Variants in STK3 observed in about 807,000 individuals in gnomAD.
STK3 encodes the protein serine/threonine-protein kinase 3.
In STK3, 41 loss-of-function variants were observed where a neutral mutation model predicts 58.0. The observed-to-expected ratio is 0.71, with a 90% CI of 0.55 to 0.92. STK3 has a LOEUF of 0.92. STK3 is among the 40% of genes least tolerant of loss of function. The probability of loss-of-function intolerance (pLI) is 0.00; values close to 1 mark genes in which losing one functional copy is unlikely to be tolerated. For synonymous variants in STK3, 170 were observed against 191.0 expected (o/e 0.89, Z 0.91); for missense variants, 479 against 602.7 (o/e 0.79, Z 2.15).
At chr8:98,482,187 A>T (rs1408168568) in intron 10 of STK3, among the ~76,000 whole-genome samples, 8 of 152,220 alleles carry the variant, frequency 5.3e-5, no homozygotes, top group Admixed American at 5.2e-4. Flanking sequence ...CAAGTCTTGA[A>T]GATAAAACAA....
chr8:98,586,679 T>C (rs1413965039), intron 7 of STK3, among the ~76,000 whole-genome samples: 5 of 151,886 alleles, frequency 3.3e-5, no homozygotes, highest in African/African-American at 1.2e-4. Context: ...ATGGTACCAG[T>C]TCCTCCTTGT....
rs1824489206 is a variant in STK3 at position 98,511,225 on chromosome 8, T to C, written c.1317+15517A>G. 1.3e-5 allele frequency among the ~76,000 whole-genome samples: 2 copies of C among 151,970 alleles called. 1 individual carries two copies. The highest frequency in any genetic ancestry group is 4.1e-4 in the South Asian group (2 of 4,828). On this transcript the variant is annotated intron_variant, in intron 10 of 10. Transcript: ENST00000419617. ...ATTGAGACAAATGCTTATTCATATTTTTTGAATTTGAATCACTTCAAATGG... is the reference window on the plus strand; with the variant it reads ...ATTGAGACAAATGCTTATTCATATTCTTTGAATTTGAATCACTTCAAATGG...
At chr8:98,513,262 C>T (rs1250229056) in intron 10 of STK3, among the ~76,000 whole-genome samples, 3 of 152,070 alleles carry the variant, frequency 2.0e-5, no homozygotes, top group African/African-American at 7.2e-5. Context: ...TGAATGAGCC[C>T]CACCACTCCC....
chr8:98,428,981 CTACCT>C lies in STK3; in HGVS notation n.483+5141_483+5145del. On this transcript the variant is annotated intron_variant and non_coding_transcript_variant, in intron 3 of 3. Transcript: ENST00000517832. The surrounding 1 kb of genome is among the most constrained non-coding windows in gnomAD (Gnocchi z 6.7). ...ACAAAGAAGTAGGGCTGCTCTTGCT[CTACCT>C]CTCCGTGGGGATTTCCATCTTCTCC... 1 of 1,614,194 alleles carries C rather than the reference CTACCT, an allele frequency of 6.2e-7. No homozygotes were observed. The highest frequency in any genetic ancestry group is 1.3e-5 in the African/African-American group (1 of 75,056).
intron 8 of STK3, among the ~76,000 whole-genome samples, chr8:98,569,948 C>A (rs952958422): frequency 3.4e-5 from 5 of 148,200 alleles, no homozygotes; most frequent in Admixed American, 6.7e-5. Flanking sequence ...TATATTTATA[C>A]ACATTTTCAA....
At chr8:98,673,119 C>A (rs1822948889) in intron 6 of STK3, among the ~76,000 whole-genome samples, 1 of 152,150 alleles carries the variant, frequency 6.6e-6, no homozygotes, top group Non-Finnish European at 1.5e-5. Context: ...ATAGCCCAGG[C>A]ACTCAGCTAT....
chr8:98,406,337 C>T (rs535186333), intron 3 of STK3, among the ~76,000 whole-genome samples: 25 of 151,738 alleles, frequency 1.6e-4, no homozygotes, highest in East Asian at 3.9e-4. Flanking sequence ...GTACACGTGC[C>T]GGTGTGTTAC....
At chr8:98,747,507 C>T (rs941827627) in intron 4 of STK3, among the ~76,000 whole-genome samples, 6 of 152,156 alleles carry the variant, frequency 3.9e-5, no homozygotes, top group Non-Finnish European at 5.9e-5. Context: ...TTCTGAAATT[C>T]AGACAATCAA....
intron 10 of STK3, among the ~76,000 whole-genome samples, chr8:98,456,791 C>T (rs931295451): frequency 1.3e-5 from 2 of 152,162 alleles, no homozygotes; most frequent in Admixed American, 6.5e-5. Context: ...AAGATAATTG[C>T]CTTTGGTTAT....
the STK3 span, among the ~76,000 whole-genome samples, chr8:98,352,929 C>T: frequency 6.6e-6 from 1 of 152,238 alleles, no homozygotes; most frequent in South Asian, 2.1e-4. Flanking sequence ...TATTTTTTCA[C>T]TGTGTCAATG....
At chr8:98,657,196 T>C (rs190362035) in intron 6 of STK3, among the ~76,000 whole-genome samples, 94 of 152,068 alleles carry the variant, frequency 6.2e-4, no homozygotes, top group African/African-American at 2.1e-3. Flanking sequence ...ATAATGGCCA[T>C]TCACCCATAT....
intron 6 of STK3, chr8:98,598,017 A>C: frequency 1.0e-6 from 1 of 985,416 alleles, no homozygotes; most frequent in Non-Finnish European, 1.2e-6. Flanking sequence ...TGCTACTTCC[A>C]ACTAGAGAAT....
At chr8:98,416,257 C>G (rs1206652676) in intron 3 of STK3, among the ~76,000 whole-genome samples, 4 of 152,014 alleles carry the variant, frequency 2.6e-5, no homozygotes, top group Non-Finnish European at 2.9e-5. Flanking sequence ...TCAAGATGCA[C>G]TAGAAGACTC....
intron 1 of STK3, chr8:98,905,438 G>GGTT: frequency 5.4e-6 from 7 of 1,302,094 alleles, no homozygotes; most frequent in Non-Finnish European, 7.8e-6. Context: ...CGTGTAACTT[G>GGTT]GTTGACGCTT....
intron 6 of STK3, among the ~76,000 whole-genome samples, chr8:98,620,386 C>T (rs1272127316): frequency 7.1e-6 from 1 of 141,460 alleles, no homozygotes; most frequent in Non-Finnish European, 1.5e-5. Context: ...TTAGTGGGTG[C>T]AGCACACCAG....
intron 1 of STK3, chr8:98,883,875 G>T: frequency 1.7e-6 from 1 of 594,590 alleles, no homozygotes. Context: ...TCAGTCAACT[G>T]AAGCCAGAGG....
chr8:98,491,273 A>T (rs954953856), intron 10 of STK3, among the ~76,000 whole-genome samples: 3 of 152,112 alleles, frequency 2.0e-5, no homozygotes, highest in African/African-American at 7.2e-5. Flanking sequence ...ATTTGGTAGT[A>T]TTTAAAAAAA....
At chr8:98,711,181 C>T (rs192227206) in intron 4 of STK3, among the ~76,000 whole-genome samples, 1 of 152,040 alleles carries the variant, frequency 6.6e-6, no homozygotes, top group Non-Finnish European at 1.5e-5. Flanking sequence ...CACAAAGATG[C>T]AGAAAAAACA....
At chr8:98,424,664 C>T (rs1818208264) in intron 3 of STK3, among the ~76,000 whole-genome samples, 1 of 152,142 alleles carries the variant, frequency 6.6e-6, no homozygotes, top group African/African-American at 2.4e-5. Flanking sequence ...GAACAACAGA[C>T]AGGAACAGAA....
Sources: allele counts gnomAD v4.1 joint callset (sites outside exome capture counted in the v4.1 genomes callset), GRCh38; gene constraint gnomAD v4.1.1; non-coding constraint Gnocchi (gnomAD v3.1); transcripts MANE v1.5; gene names NCBI Gene and HGNC (gene_info 2026-07-23, HGNC 2026-07-21).